PIP5K1B: variants seen among roughly 807,000 people sequenced by gnomAD.
The protein encoded by PIP5K1B is phosphatidylinositol 4-phosphate 5-kinase type-1 beta.
PIP5K1B carries 42 observed loss-of-function variants against 67.0 expected under a neutral mutation model. That is an observed-to-expected ratio of 0.63 (90% CI 0.49 to 0.81). PIP5K1B has a LOEUF of 0.81. Among genes scored for constraint, PIP5K1B ranks in the 30% least tolerant of loss-of-function variants. The pLI, the probability that PIP5K1B is intolerant of heterozygous loss-of-function variation, is 0.00. For missense variants in PIP5K1B, 459 were observed against 646.3 expected (o/e 0.71, Z 3.14); for synonymous variants, 214 against 231.4 (o/e 0.92, Z 0.68).
At chr9:68,947,594 G>C (rs1417227173) in intron 14 of PIP5K1B, among the ~76,000 whole-genome samples, 1 of 152,138 alleles carries the variant, frequency 6.6e-6, no homozygotes, top group African/African-American at 2.4e-5. Context: ...TTTTTTAAAA[G>C]AGAGAGAGAG....
At chr9:68,964,251 G>C (rs1828903489) in intron 14 of PIP5K1B, 1 of 152,168 alleles carries the variant, frequency 6.6e-6, no homozygotes, top group Non-Finnish European at 1.5e-5. Context: ...CTCACCCATA[G>C]AGCATGTTAT....
intron 11 of PIP5K1B, among the ~76,000 whole-genome samples, chr9:68,920,622 C>T (rs1317052659): frequency 6.6e-6 from 1 of 151,928 alleles, no homozygotes; most frequent in African/African-American, 2.4e-5. Flanking sequence ...CCTGCCTTGG[C>T]CTCCCAAAGT....
At chr9:68,982,687 G>T (rs557732650) in intron 14 of PIP5K1B, among the ~76,000 whole-genome samples, 2 of 152,134 alleles carry the variant, frequency 1.3e-5, no homozygotes, top group Non-Finnish European at 2.9e-5. Flanking sequence ...GCTTAAGCCC[G>T]GGAGGTGGAG....
chr9:69,008,726 T>C lies in PIP5K1B; in HGVS notation c.*277T>C. On this transcript the variant is annotated 3_prime_UTR_variant, in exon 16 of 16. Transcript: ENST00000265382. ...AAGCTGCTTTCTGTACCATTGCCAATCACCTTTTTGGAGTTGGAAGTGCTA... is the reference window on the plus strand; with the variant it reads ...AAGCTGCTTTCTGTACCATTGCCAACCACCTTTTTGGAGTTGGAAGTGCTA... 1 of 400,778 alleles carries C rather than the reference T, an allele frequency of 2.5e-6. No individual in the cohort carries two copies. Among genetic ancestry groups the C allele is most frequent in the Non-Finnish European group, 4.6e-6 (1 of 216,494 alleles). The allele number at this position is 400,778 out of a possible 1,614,324, so 24.8% of individuals were successfully genotyped here. A position where few individuals can be genotyped will look rare whatever the true frequency, so the allele number is the denominator to read the frequency against.
intron 6 of PIP5K1B, among the ~76,000 whole-genome samples, chr9:68,885,581 T>G (rs750792018): frequency 2.4e-4 from 37 of 152,126 alleles, no homozygotes; most frequent in Non-Finnish European, 4.4e-4. Context: ...TTATTATATC[T>G]CATAGAAAAA....
At chr9:68,865,378 T>C (rs941762480) in intron 5 of PIP5K1B, among the ~76,000 whole-genome samples, 1 of 152,152 alleles carries the variant, frequency 6.6e-6, no homozygotes, top group Non-Finnish European at 1.5e-5. Context: ...CATCTTTTGG[T>C]ATGATTTTTT....
At chr9:68,802,639 A>C (rs949999991) in intron 2 of PIP5K1B, among the ~76,000 whole-genome samples, 1 of 152,186 alleles carries the variant, frequency 6.6e-6, no homozygotes, top group South Asian at 2.1e-4. Flanking sequence ...CATACGAGGA[A>C]GTCATGCCTG....
intron 4 of PIP5K1B, among the ~76,000 whole-genome samples, chr9:68,857,959 T>TTTGTTGTTGTTGTTGTTG (rs71353086): frequency 0.044 from 6,560 of 149,380 alleles, 180 homozygotes; most frequent in Admixed American, 0.074. Context: ...CTCTTGCTGT[T>TTTGTTGTTGTTGTTGTTG]TTGTTGTTGT....
At chr9:68,866,421 A>G (rs1484281201) in intron 5 of PIP5K1B, among the ~76,000 whole-genome samples, 1 of 152,088 alleles carries the variant, frequency 6.6e-6, no homozygotes, top group Non-Finnish European at 1.5e-5. Context: ...GTGTGTGTAT[A>G]CATATACACT....
chr9:68,756,464 C>A (rs1829929565), intron 2 of PIP5K1B, among the ~76,000 whole-genome samples: 1 of 152,154 alleles, frequency 6.6e-6, no homozygotes, highest in South Asian at 2.1e-4. Context: ...AAATTAACAG[C>A]CTACCAACAA....
At chr9:68,913,878 A>C (rs1262482013) in intron 8 of PIP5K1B, among the ~76,000 whole-genome samples, 1 of 152,144 alleles carries the variant, frequency 6.6e-6, no homozygotes, top group Non-Finnish European at 1.5e-5. Flanking sequence ...CTTTAAAAAA[A>C]AAAATCGGAC....
At chr9:68,877,921 ACT>A (rs1322944018) in intron 6 of PIP5K1B, among the ~76,000 whole-genome samples, 1 of 150,396 alleles carries the variant, frequency 6.6e-6, no homozygotes, top group African/African-American at 2.4e-5. Context: ...TGTATATATT[ACT>A]CTCTTTCTCT....
intron 4 of PIP5K1B, 69 bp downstream of exon 4, chr9:68,822,752 G>T: frequency 9.5e-7 from 1 of 1,055,890 alleles, no homozygotes; most frequent in Admixed American, 1.8e-5. Context: ...ATTATCAAAG[G>T]CCTTTCCTTC....
rs117912852 is a variant in PIP5K1B at position 68,943,330 on chromosome 9, C to T, written c.1502+2540C>T. Among the ~76,000 whole-genome samples, 21 of 152,130 alleles carry T rather than the reference C, an allele frequency of 1.4e-4. No individual in the cohort carries two copies. In the East Asian group the frequency reaches 2.9e-3, roughly 21 times the overall value. On this transcript the variant is annotated intron_variant, in intron 14 of 15. Transcript: ENST00000265382. Reference sequence around the variant, plus strand: ...GTGTACAAGAAGCTGACAGAAGGGCCTCGGGTCTTAATCACAGACTTAGGG... The same window carrying T: ...GTGTACAAGAAGCTGACAGAAGGGCTTCGGGTCTTAATCACAGACTTAGGG...
At chr9:68,781,026 TGATTCACTCATCCTGA>T in intron 2 of PIP5K1B, 1 of 1,611,726 alleles carries the variant, frequency 6.2e-7, no homozygotes, top group Non-Finnish European at 8.5e-7. Context: ...TTCGTCTAAG[TGATTCACTCATCCTGA>T]GACTTTCTTT....
At chr9:68,901,112 G>A (rs1825330964) in intron 8 of PIP5K1B, among the ~76,000 whole-genome samples, 1 of 152,190 alleles carries the variant, frequency 6.6e-6, no homozygotes, top group South Asian at 2.1e-4. Flanking sequence ...TAATACAAAG[G>A]AGACGTACAT....
At chr9:68,955,954 A>T (rs1828367085) in intron 14 of PIP5K1B, among the ~76,000 whole-genome samples, 1 of 152,238 alleles carries the variant, frequency 6.6e-6, no homozygotes, top group African/African-American at 2.4e-5. Flanking sequence ...CCTCTACGGT[A>T]AGCACCAGTG....
chr9:68,897,288 A>G (rs1825136601), intron 8 of PIP5K1B, among the ~76,000 whole-genome samples: 1 of 152,216 alleles, frequency 6.6e-6, no homozygotes, highest in African/African-American at 2.4e-5. Flanking sequence ...CTATATTAGG[A>G]TATATGCTTC....
chr9:68,723,693 TG>T lies in PIP5K1B; in HGVS notation c.-243+17933del, dbSNP rs1469581553. The stretch of plus-strand genomic sequence containing the variant: ...TTGCCCATTTTTTAATTGAAGTATT[TG>T]GTTTTTTTTTTTTTTTTTTTTTTGC... On this transcript the variant is annotated intron_variant, in intron 1 of 15. Transcript: ENST00000265382. Among the ~76,000 whole-genome samples the T allele has an allele frequency of 4.4e-5, 5 of 113,964 alleles. No individual in the cohort carries two copies. The Admixed American group carries it at 4.9e-4, about 11-fold the overall frequency. 74.8% of individuals were successfully genotyped at this position (113,964 alleles called of 152,430 possible).
Sources: gnomAD v4.1 joint callset for allele counts (sites outside exome capture counted in the v4.1 genomes callset) on GRCh38, gnomAD v4.1.1 for gene constraint, MANE v1.5 for transcripts, NCBI Gene and HGNC (gene_info 2026-07-23, HGNC 2026-07-21) for gene names.